Variants in RPAP2 observed in about 807,000 individuals in gnomAD.
The protein encoded by RPAP2 is RNA polymerase II associated protein 2.
Under a neutral mutation model 73.1 loss-of-function variants are expected in RPAP2, and 52 were observed. That is an observed-to-expected ratio of 0.71 (90% CI 0.57 to 0.90). The LOEUF (loss-of-function observed/expected upper bound fraction) is 0.90, where lower values mean the gene tolerates loss of function less well. Ranked by LOEUF, RPAP2 falls within the 40% of genes least tolerant of loss-of-function variation. The probability of loss-of-function intolerance (pLI) is 0.00; values close to 1 mark genes in which losing one functional copy is unlikely to be tolerated. For synonymous variants in RPAP2, 225 were observed against 242.1 expected (o/e 0.93, Z 0.65); for missense variants, 598 against 701.8 (o/e 0.85, Z 1.67).
Position 92,388,160 on chromosome 1 carries a change from T to C in RPAP2, c.*1149T>C, listed in dbSNP as rs972746077. On this transcript the variant is annotated 3_prime_UTR_variant, in exon 13 of 13. Coordinates refer to ENST00000610020, the MANE Select transcript of RPAP2 (RefSeq NM_024813.3). ...AACTCCAAAAATGAAATAAAGAAAATTGTGTTCACAATATCACCAAAGAGA... is the reference window on the plus strand; with the variant it reads ...AACTCCAAAAATGAAATAAAGAAAACTGTGTTCACAATATCACCAAAGAGA... The C allele has an allele frequency of 6.6e-6, 1 of 152,128 alleles. No individual in the cohort carries two copies. Among genetic ancestry groups the C allele is most frequent in the African/African-American group, 2.4e-5 (1 of 41,430 alleles). 9.4% of individuals were successfully genotyped at this position (152,128 alleles called of 1,614,324 possible).
intron 10 of RPAP2, among the ~76,000 whole-genome samples, chr1:92,340,838 A>T (rs1322060603): frequency 1.3e-5 from 2 of 152,168 alleles, no homozygotes; most frequent in Non-Finnish European, 2.9e-5. Context: ...AGCAGTTTCC[A>T]TCAGAATCTG....
intron 11 of RPAP2, among the ~76,000 whole-genome samples, chr1:92,371,325 T>A (rs1284340059): frequency 4.5e-4 from 14 of 31,050 alleles, no homozygotes; most frequent in African/African-American, 3.7e-4. Flanking sequence ...AAAAAATATA[T>A]ATATATATAT....
At chr1:92,345,071 A>G (rs1653807956) in intron 10 of RPAP2, among the ~76,000 whole-genome samples, 1 of 152,188 alleles carries the variant, frequency 6.6e-6, no homozygotes, top group Non-Finnish European at 1.5e-5. Context: ...TTTCTTTAAT[A>G]AAGACCTATT....
chr1:92,369,405 T>TG (rs1471784140), intron 11 of RPAP2, among the ~76,000 whole-genome samples: 1 of 152,142 alleles, frequency 6.6e-6, no homozygotes, highest in African/African-American at 2.4e-5. Flanking sequence ...TTACAAGTTG[T>TG]GGGAACCGAT....
intron 12 of RPAP2, among the ~76,000 whole-genome samples, chr1:92,383,877 A>T (rs1382810862): frequency 1.3e-5 from 2 of 152,110 alleles, no homozygotes; most frequent in East Asian, 3.8e-4. Flanking sequence ...GTTTTTCAGT[A>T]TGATATTGGC....
chr1:92,319,043 A>G (rs1352743509), intron 6 of RPAP2, among the ~76,000 whole-genome samples: 1 of 152,164 alleles, frequency 6.6e-6, no homozygotes, highest in African/African-American at 2.4e-5. Context: ...TACATGCTTT[A>G]AAAAAGAGAA....
At chr1:92,322,179 C>T (rs1425746964) in intron 7 of RPAP2, among the ~76,000 whole-genome samples, 2 of 151,578 alleles carry the variant, frequency 1.3e-5, no homozygotes, top group East Asian at 2.0e-4. Flanking sequence ...CTCCTGACCT[C>T]AGGTGACCCA....
rs542657862 is a variant in RPAP2, at chr1:92,310,087, TGATTA to T, written c.488+2814_488+2818del. On this transcript the variant is annotated intron_variant, in intron 6 of 12. Transcript: ENST00000610020. The stretch of plus-strand genomic sequence containing the variant: ...AGGATTCTATTTATTATATTCCACT[TGATTA>T]GAAGGAAACAGTGAATAATCTATAT... 4.0e-4 allele frequency among the ~76,000 whole-genome samples: 61 copies of T among 152,228 alleles called. 2 individuals carry two copies. The highest frequency in any genetic ancestry group is 2.6e-4 in the Non-Finnish European group (18 of 68,044).
At chr1:92,346,733 T>C (rs950529124) in intron 11 of RPAP2, among the ~76,000 whole-genome samples, 1 of 152,224 alleles carries the variant, frequency 6.6e-6, no homozygotes, top group Non-Finnish European at 1.5e-5. Context: ...AAACATTTAG[T>C]ACTCATTCAG....
intron 11 of RPAP2, among the ~76,000 whole-genome samples, chr1:92,362,934 C>G (rs770078770): frequency 6.0e-4 from 92 of 152,120 alleles, no homozygotes; most frequent in South Asian, 6.2e-4. Flanking sequence ...CTTTTACATG[C>G]TCCAAAATCA....
In RPAP2 at chr1:92,306,136, T is replaced by C. The variant is rs562543005; in HGVS notation, c.400-1052T>C. Among the ~76,000 whole-genome samples the C allele has an allele frequency of 9.9e-5, 15 of 152,232 alleles. No individual in the cohort carries two copies. The South Asian group carries it at 2.9e-3, about 29-fold the overall frequency. ...AAATAAGCCAGCACAAAAGGACAAA[T>C]ACTGTATGCTTTCACTTATATGAGG... On this transcript the variant is annotated intron_variant, in intron 5 of 12. Coordinates refer to ENST00000610020, the MANE Select transcript of RPAP2 (RefSeq NM_024813.3).
rs1315979566 is a variant in RPAP2 at position 92,299,986 on chromosome 1, A to C, written c.74-208A>C. Among the ~76,000 whole-genome samples, 6 of 152,322 alleles carry C rather than the reference A, an allele frequency of 3.9e-5. No individual in the cohort carries two copies. The East Asian group carries it at 1.2e-3, about 29-fold the overall frequency. On this transcript the variant is annotated intron_variant, in intron 1 of 12. Transcript: ENST00000610020. ...CCTAGATGGTACAGCCTACTTACAC[A>C]CTAGGCTATATGGTACAGCCTATTG...
At chr1:92,370,883 T>C (rs1024282138) in intron 11 of RPAP2, among the ~76,000 whole-genome samples, 6 of 152,172 alleles carry the variant, frequency 3.9e-5, no homozygotes, top group Non-Finnish European at 8.8e-5. Context: ...TAGCCAGAAT[T>C]ACACAGAAAT....
chr1:92,380,167 A>C (rs1655566626), intron 11 of RPAP2, among the ~76,000 whole-genome samples: 1 of 149,752 alleles, frequency 6.7e-6, no homozygotes, highest in South Asian at 2.1e-4. Flanking sequence ...AATCCCAACT[A>C]CTCGGGAGGC....
chr1:92,299,779 A>G (rs551383344), intron 1 of RPAP2, among the ~76,000 whole-genome samples: 1 of 152,362 alleles, frequency 6.6e-6, no homozygotes, highest in Non-Finnish European at 1.5e-5. Flanking sequence ...AAATATGTGG[A>G]AAAGAAGAAA....
intron 3 of RPAP2, among the ~76,000 whole-genome samples, chr1:92,303,410 G>C (rs1018848749): frequency 6.6e-6 from 1 of 152,084 alleles, no homozygotes; most frequent in African/African-American, 2.4e-5. Flanking sequence ...AAAATTATTT[G>C]ATCATGAAGA....
chr1:92,316,624 A>C (rs985844667), intron 6 of RPAP2, among the ~76,000 whole-genome samples: 1 of 152,204 alleles, frequency 6.6e-6, no homozygotes, highest in African/African-American at 2.4e-5. Context: ...TTTAACTAGG[A>C]TGGTTACATA....
intron 6 of RPAP2, among the ~76,000 whole-genome samples, chr1:92,309,324 C>G (rs1255269504): frequency 2.0e-5 from 3 of 151,840 alleles, no homozygotes; most frequent in Non-Finnish European, 2.9e-5. Context: ...TGCCTGTAGT[C>G]TCAGCTACTC....
intron 11 of RPAP2, among the ~76,000 whole-genome samples, chr1:92,353,230 A>G (rs958319392): frequency 4.6e-5 from 7 of 152,174 alleles, no homozygotes; most frequent in African/African-American, 1.7e-4. Flanking sequence ...TTGCTGGGTC[A>G]TATGATAACT....
Sources: gnomAD v4.1 joint callset for allele counts (sites outside exome capture counted in the v4.1 genomes callset) on GRCh38, gnomAD v4.1.1 for gene constraint, MANE v1.5 for transcripts, NCBI Gene and HGNC (gene_info 2026-07-23, HGNC 2026-07-21) for gene names.